Variants in CPSF3 observed in about 807,000 individuals in gnomAD.
CPSF3 encodes the protein cleavage and polyadenylation specificity factor subunit 3.
Under a neutral mutation model 84.1 loss-of-function variants are expected in CPSF3, and 57 were observed. The observed-to-expected ratio is 0.68, with a 90% confidence interval of 0.55 to 0.85. The LOEUF is 0.85. Ranked by LOEUF, CPSF3 falls within the 40% of genes least tolerant of loss-of-function variation. The pLI is 0.00. For missense variants in CPSF3, 522 were observed against 838.8 expected, an observed-to-expected ratio of 0.62 and a Z score of 4.66; for synonymous variants, 275 against 278.1, an observed-to-expected ratio of 0.99 and a Z score of 0.11.
intron 4 of CPSF3, 118 bp downstream of exon 4, chr2:9,430,998 G>T: frequency 1.4e-6 from 1 of 715,396 alleles, no homozygotes; most frequent in Non-Finnish European, 2.3e-6. Flanking sequence ...AAGGATATCA[G>T]TAATTTCATC....
chr2:9,453,843 A>C (rs1413356196), intron 12 of CPSF3, among the ~76,000 whole-genome samples: 1 of 152,110 alleles, frequency 6.6e-6, no homozygotes, highest in Admixed American at 6.5e-5. Context: ...GTGAGCTGAG[A>C]TAATGCCACT....
chr2:9,469,685 A>C (rs1682096422), intron 16 of CPSF3, among the ~76,000 whole-genome samples: 1 of 151,958 alleles, frequency 6.6e-6, no homozygotes, highest in East Asian at 1.9e-4. Context: ...GAACTATTCA[A>C]CTCTGAGGAA....
intron 2 of CPSF3, among the ~76,000 whole-genome samples, chr2:9,429,124 A>G (rs1221270624): frequency 6.6e-6 from 1 of 152,176 alleles, no homozygotes; most frequent in East Asian, 1.9e-4. Context: ...CCCCACCCCC[A>G]GTGGAAGATC....
chr2:9,467,564 A>G, intron 15 of CPSF3, 143 bp from the exon 16 acceptor site: 1 of 506,304 alleles, frequency 2.0e-6, no homozygotes, highest in Non-Finnish European at 3.4e-6. Context: ...GCAGGCAAAT[A>G]ATACAAATCC....
chr2:9,456,548 T>C (rs1355415219), intron 13 of CPSF3, among the ~76,000 whole-genome samples: 1 of 152,208 alleles, frequency 6.6e-6, no homozygotes, highest in Admixed American at 6.5e-5. Flanking sequence ...ACAATAGAAT[T>C]CCGCTGTAGA....
chr2:9,436,382 T>C (rs370641943), intron 7 of CPSF3, 21 bp downstream of exon 7: 75 of 1,582,336 alleles, frequency 4.7e-5, no homozygotes, highest in Non-Finnish European at 6.4e-5. Context: ...TCCTTTGTAT[T>C]TAGGCGATGA....
At chr2:9,447,135 T>G (rs923671289) in intron 10 of CPSF3, among the ~76,000 whole-genome samples, 10 of 152,134 alleles carry the variant, frequency 6.6e-5, no homozygotes, top group African/African-American at 2.4e-4. Context: ...AGCAAGACTC[T>G]CTTTAAATAA....
In CPSF3 at chr2:9,465,569, G is replaced by A. The variant is rs1438670227; in HGVS notation, c.1787-2138G>A. On this transcript the variant is annotated intron_variant, in intron 15 of 17. Transcript: ENST00000238112. ...CACACACACACACACACACACGCGCGCGCGTTTATATATAAAAAATATATA... is the reference window on the plus strand; with the variant it reads ...CACACACACACACACACACACGCGCACGCGTTTATATATAAAAAATATATA... Among the ~76,000 whole-genome samples, 295 of 149,964 alleles carry A rather than the reference G, an allele frequency of 2.0e-3. 3 individuals carry two copies. Among genetic ancestry groups the A allele is most frequent in the African/African-American group, 5.6e-3 (221 of 39,742 alleles).
At chr2:9,457,094 G>A (rs542094618) in intron 14 of CPSF3, 67 bp downstream of exon 14, 2 of 875,850 alleles carry the variant, frequency 2.3e-6, no homozygotes, top group East Asian at 2.7e-5. Flanking sequence ...ATGAACAATT[G>A]TAGAGAAAAT....
chr2:9,437,348 G>C (rs1055812013), intron 7 of CPSF3, among the ~76,000 whole-genome samples: 1 of 152,090 alleles, frequency 6.6e-6, no homozygotes, highest in Non-Finnish European at 1.5e-5. Flanking sequence ...AGGTTGCAGT[G>C]AGCCGAGATT....
At chr2:9,425,487 G>A (rs1680355108) in intron 1 of CPSF3, among the ~76,000 whole-genome samples, 2 of 152,196 alleles carry the variant, frequency 1.3e-5, no homozygotes, top group African/African-American at 4.8e-5. Flanking sequence ...TCTAAGTCTA[G>A]CTGACGAGAG....
In CPSF3 at chr2:9,443,662, G is replaced by A. The variant is rs1488822365; in HGVS notation, c.1242+1G>A. The A allele has an allele frequency of 1.2e-6, 2 of 1,613,436 alleles. No homozygotes were observed. The highest frequency in any genetic ancestry group is 1.7e-6 in the Non-Finnish European group (2 of 1,179,828). ...TCGTGCTTTGAAACCGCCTCATGTG[G>A]TTAGTCTATGAATTTCATTTATTGT... On this transcript the variant is annotated splice_donor_variant, in intron 10 of 17. Transcript: ENST00000238112. LOFTEE classifies it high-confidence loss of function.
chr2:9,455,864 TGTAA>T, intron 13 of CPSF3, 107 bp downstream of exon 13: 3 of 763,958 alleles, frequency 3.9e-6, no homozygotes, highest in Non-Finnish European at 6.2e-6. Context: ...CTCAGAATTG[TGTAA>T]GTTTTATAAA....
intron 7 of CPSF3, 100 bp downstream of exon 7, chr2:9,436,461 C>A: frequency 7.8e-7 from 1 of 1,280,330 alleles, no homozygotes; most frequent in Non-Finnish European, 1.1e-6. Context: ...TTCTGGACTT[C>A]AGTTTTCTTC....
intron 13 of CPSF3, 81 bp from the exon 14 acceptor site, chr2:9,456,852 G>T: frequency 1.3e-6 from 1 of 782,106 alleles, no homozygotes. Context: ...CTTTATTTTA[G>T]CTGTCTCTAT....
intron 7 of CPSF3, among the ~76,000 whole-genome samples, chr2:9,439,362 A>G (rs924127207): frequency 6.6e-6 from 1 of 151,682 alleles, no homozygotes; most frequent in African/African-American, 2.4e-5. Flanking sequence ...AGTCCCAGCT[A>G]CTCTGGAGGT....
intron 16 of CPSF3, 113 bp from the exon 17 acceptor site, chr2:9,471,230 A>G (rs1160811102): frequency 3.0e-6 from 2 of 660,288 alleles, no homozygotes; most frequent in Non-Finnish European, 5.4e-6. Context: ...AAAAAGAAAA[A>G]AAGTAAATAC....
At chr2:9,447,953 G>T (rs1681181997) in intron 10 of CPSF3, among the ~76,000 whole-genome samples, 1 of 152,170 alleles carries the variant, frequency 6.6e-6, no homozygotes, top group Non-Finnish European at 1.5e-5. Context: ...TAGTGGCAAA[G>T]ACTGGAGTAG....
At chr2:9,438,053 C>T (rs745959516) in intron 7 of CPSF3, among the ~76,000 whole-genome samples, 1 of 152,218 alleles carries the variant, frequency 6.6e-6, no homozygotes, top group East Asian at 1.9e-4. Flanking sequence ...CACCTCTGTG[C>T]GAAGCACTAG....
Sources: allele counts gnomAD v4.1 joint callset (sites outside exome capture counted in the v4.1 genomes callset), GRCh38; gene constraint gnomAD v4.1.1; transcripts MANE v1.5; gene names NCBI Gene and HGNC (gene_info 2026-07-23, HGNC 2026-07-21).